The following DOCK2 variants were observed in gnomAD, a reference collection of about 807,000 sequenced individuals.
The protein encoded by DOCK2 is dedicator of cytokinesis protein 2.
DOCK2 carries 87 observed loss-of-function variants against 248.9 expected under a neutral mutation model. The ratio of observed to expected loss-of-function variants is 0.35; its 90% CI spans 0.29 to 0.42. The LOEUF is 0.42. DOCK2 is among the 10% of genes least tolerant of loss of function. DOCK2 has a pLI of 1.00. For missense variants in DOCK2, 1,747 were observed against 2,300.2 expected, an observed-to-expected ratio of 0.76 and a Z score of 4.92; for synonymous variants, 805 against 821.6, an observed-to-expected ratio of 0.98 and a Z score of 0.35.
intron 49 of DOCK2, 122 bp from the exon 50 acceptor site, chr5:170,080,041 T>C (rs928950463): frequency 7.9e-5 from 120 of 1,520,988 alleles, no homozygotes; most frequent in Non-Finnish European, 1.0e-4. Context: ...TAAATGAACT[T>C]GGAGCCAGCT....
intron 6 of DOCK2, 55 bp from the exon 7 acceptor site, chr5:169,681,689 C>T (rs2113354960): frequency 6.3e-7 from 1 of 1,593,302 alleles, no homozygotes; most frequent in South Asian, 1.1e-5. Flanking sequence ...AGCTTCTCAC[C>T]AGTGACCTAA....
At chr5:169,915,438 A>G (rs563737636) in intron 27 of DOCK2, among the ~76,000 whole-genome samples, 1 of 152,166 alleles carries the variant, frequency 6.6e-6, no homozygotes, top group Non-Finnish European at 1.5e-5. Flanking sequence ...AACCAAAGAG[A>G]TTAAGTCATT....
chr5:170,037,940 C>G (rs978007789), intron 36 of DOCK2, among the ~76,000 whole-genome samples: 2 of 152,218 alleles, frequency 1.3e-5, no homozygotes, highest in East Asian at 3.8e-4. Flanking sequence ...TACGCTCACT[C>G]TGCTATTACG....
chr5:169,991,151 C>T (rs560956250), intron 29 of DOCK2, among the ~76,000 whole-genome samples: 8 of 152,338 alleles, frequency 5.3e-5, no homozygotes, highest in Admixed American at 3.9e-4. Context: ...AGGCTTGCAG[C>T]GCCTGTAGGA....
At chr5:169,761,708 C>A (rs978470233) in intron 25 of DOCK2, 83 bp downstream of exon 25, 8 of 1,108,478 alleles carry the variant, frequency 7.2e-6, no homozygotes, top group South Asian at 5.3e-5. Flanking sequence ...CAGGAGAGGG[C>A]AACCTGTCCA....
intron 27 of DOCK2, among the ~76,000 whole-genome samples, chr5:169,930,601 C>T (rs1054373339): frequency 7.9e-5 from 12 of 152,092 alleles, no homozygotes; most frequent in Non-Finnish European, 1.8e-4. Context: ...TGGTGGCTGC[C>T]AAATCAATTT....
chr5:169,644,268 G>T (rs1757323843), intron 1 of DOCK2, among the ~76,000 whole-genome samples: 1 of 152,150 alleles, frequency 6.6e-6, no homozygotes, highest in African/African-American at 2.4e-5. Flanking sequence ...GTTTTATGGT[G>T]CATTAATCAG....
chr5:169,726,560 T>G (rs928869345), intron 22 of DOCK2, among the ~76,000 whole-genome samples: 2 of 152,250 alleles, frequency 1.3e-5, no homozygotes, highest in Non-Finnish European at 2.9e-5. Flanking sequence ...CTTTTGGTGT[T>G]TTAGTCATGA....
chr5:169,812,470 C>T (rs990117823), intron 26 of DOCK2, among the ~76,000 whole-genome samples: 2 of 152,134 alleles, frequency 1.3e-5, no homozygotes, highest in South Asian at 2.1e-4. Context: ...ATAAAGTGCA[C>T]GGTAAATGTA....
Position 169,883,180 on chromosome 5 carries a change from C to T in DOCK2, c.2799+42328C>T, listed in dbSNP as rs79381504. The stretch of plus-strand genomic sequence containing the variant: ...AGTCACCCTTCTCCCATCACCTGGA[C>T]GTGTGTCATCCAAAGGGTGTATGGA... On this transcript the variant is annotated intron_variant, in intron 27 of 51. Coordinates refer to ENST00000520908, the MANE Select transcript of DOCK2 (RefSeq NM_004946.3). 1,210 of 1,551,520 alleles carry T rather than the reference C, an allele frequency of 7.8e-4. 9 individuals carry two copies. In the East Asian group the frequency reaches 0.019, roughly 24 times the overall value.
chr5:170,081,759 C>A, intron 50 of DOCK2, 83 bp from the exon 51 acceptor site: 1 of 1,313,198 alleles, frequency 7.6e-7, no homozygotes, highest in Non-Finnish European at 1.0e-6. Flanking sequence ...CTCTGTCCCC[C>A]AGCCCTCCCC....
intron 36 of DOCK2, among the ~76,000 whole-genome samples, chr5:170,039,688 T>C (rs1756448881): frequency 6.6e-6 from 1 of 152,130 alleles, no homozygotes; most frequent in African/African-American, 2.4e-5. Flanking sequence ...AACATTCACT[T>C]CTCCTTTGGT....
intron 27 of DOCK2, among the ~76,000 whole-genome samples, chr5:169,874,987 A>G (rs2113474408): frequency 6.6e-6 from 1 of 152,208 alleles, no homozygotes; most frequent in South Asian, 2.1e-4. Context: ...CCCAACATAT[A>G]TAATTAGGTC....
intron 27 of DOCK2, among the ~76,000 whole-genome samples, chr5:169,885,129 C>T (rs970184745): frequency 2.6e-5 from 4 of 152,188 alleles, no homozygotes; most frequent in Non-Finnish European, 4.4e-5. Context: ...ACTCACACAC[C>T]CAGTGCCAAG....
chr5:169,714,270 A>C lies in DOCK2; in HGVS notation c.1843+59A>C, dbSNP rs1462949674. ...AGTGTGTGTGTCCGTGTGTGTGTAC[A>C]TGTGTGTATGTGCTTGCAGACCCAA... On this transcript the variant is annotated intron_variant, in intron 18 of 51. Coordinates refer to ENST00000520908, the MANE Select transcript of DOCK2 (RefSeq NM_004946.3). The C allele has an allele frequency of 6.8e-6, 11 of 1,606,822 alleles. 1 individual carries two copies. In the South Asian group the frequency reaches 1.2e-4, roughly 18 times the overall value.
rs146957093 is a variant in DOCK2 at position 170,046,071 on chromosome 5, C to T, written c.3966+166C>T. Among the ~76,000 whole-genome samples, 338 of 152,220 alleles carry T rather than the reference C, an allele frequency of 2.2e-3. 4 individuals carry two copies. Among genetic ancestry groups the T allele is most frequent in the African/African-American group, 7.3e-3 (303 of 41,540 alleles). ...AGGCTGTACTGAGCATCTCCCTTCC[C>T]GTGGGGAGTATTTTCAAAGAGAGAT... On this transcript the variant is annotated intron_variant, in intron 39 of 51. Coordinates refer to ENST00000520908, the MANE Select transcript of DOCK2 (RefSeq NM_004946.3).
intron 7 of DOCK2, 79 bp from the exon 8 acceptor site, chr5:169,684,117 C>T (rs974907446): frequency 1.3e-6 from 2 of 1,558,420 alleles, no homozygotes; most frequent in African/African-American, 2.7e-5. Context: ...ACCCAATATC[C>T]TTGACTATCT....
chr5:170,081,791 C>A, intron 50 of DOCK2, 51 bp from the exon 51 acceptor site: 1 of 1,528,462 alleles, frequency 6.5e-7, no homozygotes, highest in South Asian at 1.3e-5. Flanking sequence ...CCCCAAGGCA[C>A]TGCCCCTCCT....
At chr5:169,934,813 AATTG>A (rs1487166012) in intron 27 of DOCK2, 2 of 436,980 alleles carry the variant, frequency 4.6e-6, no homozygotes, top group Non-Finnish European at 9.3e-6. Flanking sequence ...CTGTATGATA[AATTG>A]ATTGTAGTGT....
Sources: allele counts gnomAD v4.1 joint callset (sites outside exome capture counted in the v4.1 genomes callset), GRCh38; gene constraint gnomAD v4.1.1; transcripts MANE v1.5; gene names NCBI Gene and HGNC (gene_info 2026-07-23, HGNC 2026-07-21).